ANXA4: variants seen among roughly 807,000 people sequenced by gnomAD.
ANXA4 encodes 35-beta calcimedin.
In ANXA4, 39 loss-of-function variants were observed where a neutral mutation model predicts 49.8. The observed-to-expected ratio is 0.78, with a 90% CI of 0.61 to 1.02. ANXA4 has a LOEUF of 1.02. Ranked by LOEUF, ANXA4 falls within the 50% of genes least tolerant of loss-of-function variation. ANXA4 has a pLI of 0.00. For synonymous variants in ANXA4, 134 were observed against 152.5 expected (o/e 0.88, Z 0.89); for missense variants, 360 against 410.1 (o/e 0.88, Z 1.05).
intron 2 of ANXA4, among the ~76,000 whole-genome samples, chr2:69,675,878 C>T (rs1677393659): frequency 6.6e-6 from 1 of 151,672 alleles, no homozygotes; most frequent in African/African-American, 2.4e-5. Flanking sequence ...AAAAAATTAG[C>T]CAAGCGTGGT....
chr2:69,748,327 C>A (rs990790745), intron 1 of ANXA4, among the ~76,000 whole-genome samples: 1 of 150,802 alleles, frequency 6.6e-6, no homozygotes, highest in African/African-American at 2.4e-5. Flanking sequence ...TGCAGTGAGC[C>A]GAGATCACGC....
At chr2:69,647,566 G>C (rs1444364789) in intron 1 of ANXA4, among the ~76,000 whole-genome samples, 6 of 151,856 alleles carry the variant, frequency 4.0e-5, no homozygotes, top group Non-Finnish European at 8.8e-5. Context: ...GTGCCACCAT[G>C]CCTGGCTAAT....
chr2:69,792,585 GTT>G, intron 3 of ANXA4, among the ~76,000 whole-genome samples: 1 of 150,460 alleles, frequency 6.6e-6, no homozygotes, highest in East Asian at 2.0e-4. Context: ...TACACGCAGT[GTT>G]TTTTTTTGCA....
chr2:69,687,757 G>A (rs1469822610), intron 2 of ANXA4, among the ~76,000 whole-genome samples: 2 of 152,138 alleles, frequency 1.3e-5, no homozygotes, highest in Non-Finnish European at 2.9e-5. Context: ...GCCTCCCAAA[G>A]TGCTGGGATT....
chr2:69,720,179 C>T (rs1275101568), intron 2 of ANXA4, among the ~76,000 whole-genome samples: 1 of 152,190 alleles, frequency 6.6e-6, no homozygotes, highest in East Asian at 1.9e-4. Context: ...GGACTTGGCC[C>T]TCGGAGGGCT....
intron 1 of ANXA4, among the ~76,000 whole-genome samples, chr2:69,763,725 T>C (rs1195932585): frequency 1.3e-5 from 2 of 150,714 alleles, no homozygotes; most frequent in East Asian, 3.9e-4. Context: ...TGCAGTGGCG[T>C]GATCTCGTCT....
At chr2:69,660,618 A>G (rs4300856) in intron 2 of ANXA4, among the ~76,000 whole-genome samples, 10,799 of 152,208 alleles carry the variant, frequency 0.071, 1,125 homozygotes, top group East Asian at 0.37. Context: ...GAAACAACAG[A>G]TAAATCTAGA....
intron 2 of ANXA4, among the ~76,000 whole-genome samples, chr2:69,677,222 G>A (rs955648284): frequency 3.9e-5 from 6 of 151,922 alleles, no homozygotes; most frequent in African/African-American, 1.5e-4. Context: ...GTTATTAAAG[G>A]TTCTTCATAA....
At chr2:69,788,421 TC>T (rs1290823476) in intron 3 of ANXA4, among the ~76,000 whole-genome samples, 1 of 152,156 alleles carries the variant, frequency 6.6e-6, no homozygotes, top group African/African-American at 2.4e-5. Context: ...ACACCTGTAA[TC>T]CCAGCTACTT....
intron 2 of ANXA4, among the ~76,000 whole-genome samples, chr2:69,720,258 C>T (rs1669782553): frequency 6.6e-6 from 1 of 152,132 alleles, no homozygotes; most frequent in South Asian, 2.1e-4. Context: ...GAACATAGTA[C>T]TAGTGTTGGC....
At chr2:69,694,798 T>C (rs1678105090) in intron 2 of ANXA4, among the ~76,000 whole-genome samples, 2 of 152,086 alleles carry the variant, frequency 1.3e-5, no homozygotes, top group African/African-American at 4.8e-5. Context: ...TGTTAAATTT[T>C]AAATATTTTC....
chr2:69,762,204 G>A (rs754312541), intron 1 of ANXA4, among the ~76,000 whole-genome samples: 8 of 152,142 alleles, frequency 5.3e-5, no homozygotes, highest in Admixed American at 1.3e-4. Context: ...CACCATATTG[G>A]GGTATAGAGA....
chr2:69,807,400 G>C (rs760980221), intron 5 of ANXA4, among the ~76,000 whole-genome samples: 1 of 152,152 alleles, frequency 6.6e-6, no homozygotes, highest in Non-Finnish European at 1.5e-5. Context: ...TAATGACCAA[G>C]TATGTAATGC....
At chr2:69,809,065 G>C (rs1380157243) in intron 6 of ANXA4, 1 of 152,164 alleles carries the variant, frequency 6.6e-6, no homozygotes, top group Non-Finnish European at 1.5e-5. Context: ...AATTAACACA[G>C]TTAATAACAC....
intron 8 of ANXA4, chr2:69,814,745 T>G (rs1036973606): frequency 0.032 from 943 of 29,524 alleles, 15 homozygotes; most frequent in African/African-American, 0.11. Context: ...CACAGAGGGG[T>G]GTGTGTGTGT....
At position 69,791,828 on chromosome 2, in the gene ANXA4, G is replaced by A. The variant is rs574278871; in HGVS notation, c.97+3687G>A. Among the ~76,000 whole-genome samples the A allele has an allele frequency of 4.9e-4, 75 of 152,292 alleles. 1 individual carries two copies. The South Asian group carries it at 5.0e-3, about 10-fold the overall frequency. On this transcript the variant is annotated intron_variant, in intron 3 of 12. Transcript: ENST00000394295. ...AACAATTGTCTGTAAATGACAAAAT[G>A]TCCAGTTTGGATACAGTCAGAAATA... is the stretch of plus-strand genomic sequence containing the variant.
At chr2:69,805,102 T>C (rs1406657267) in intron 4 of ANXA4, among the ~76,000 whole-genome samples, 1 of 147,286 alleles carries the variant, frequency 6.8e-6, no homozygotes, top group Non-Finnish European at 1.5e-5. Flanking sequence ...TCTTCGTCAA[T>C]TGATCTTAAA....
chr2:69,725,398 A>G (rs1242785703), intron 3 of ANXA4, among the ~76,000 whole-genome samples: 4 of 148,494 alleles, frequency 2.7e-5, no homozygotes, highest in South Asian at 2.1e-4. Context: ...ATATAAATAC[A>G]TGGTATATTT....
intron 1 of ANXA4, among the ~76,000 whole-genome samples, chr2:69,751,080 T>G (rs1349657884): frequency 6.6e-6 from 1 of 152,192 alleles, no homozygotes. Flanking sequence ...GGTACTAGTA[T>G]TATCATTGCC....
Sources: gnomAD v4.1 joint callset for allele counts (sites outside exome capture counted in the v4.1 genomes callset) on GRCh38, gnomAD v4.1.1 for gene constraint, MANE v1.5 for transcripts, NCBI Gene and HGNC (gene_info 2026-07-23, HGNC 2026-07-21) for gene names.